The following LRRC9 variants were observed in gnomAD, a reference collection of about 807,000 sequenced individuals.
LRRC9 encodes the protein leucine rich repeat containing 9.
A neutral mutation model predicts 63.2 loss-of-function variants in LRRC9; 122 were observed. The observed-to-expected ratio is 1.93, with a 90% CI of 1.67 to 2.24. The LOEUF is 2.24. Among genes scored for constraint, LRRC9 ranks in the 30% most tolerant of loss-of-function variants. LRRC9 has a pLI of 0.00. For missense variants in LRRC9, 1,071 were observed against 627.7 expected, an observed-to-expected ratio of 1.71 and a Z score of -7.55; for synonymous variants, 366 against 213.1, an observed-to-expected ratio of 1.72 and a Z score of -6.25.
In LRRC9 at chr14:60,061,546, G is replaced by A. The variant is rs1566917535; in HGVS notation, c.4277-1777G>A. ...TGTAAACATAACTTTTATATGTCCT[G>A]GGAAACCAAAAAATGTGTGTGACTC... On this transcript the variant is annotated intron_variant, in intron 31 of 31. Coordinates refer to ENST00000445360, the Ensembl canonical transcript of LRRC9. Among the ~76,000 whole-genome samples, 4 of 152,090 alleles carry A rather than the reference G, an allele frequency of 2.6e-5. No individual in the cohort carries two copies. The South Asian group carries it at 8.3e-4, about 31-fold the overall frequency.
intron 24 of LRRC9, 62 bp from the exon 25 acceptor site, chr14:60,018,309 C>T (rs1231301508): frequency 3.0e-6 from 2 of 671,998 alleles, no homozygotes; most frequent in East Asian, 3.9e-5. Context: ...AAGGAACTCA[C>T]CTTTTCCTAT....
chr14:59,952,204 G>A (rs1883222403), intron 8 of LRRC9, among the ~76,000 whole-genome samples: 1 of 151,784 alleles, frequency 6.6e-6, no homozygotes, highest in African/African-American at 2.4e-5. Flanking sequence ...GTCTCGTGGT[G>A]CGCCGTTTTT....
chr14:59,923,835 G>A lies in LRRC9; in HGVS notation c.-34+3952G>A, dbSNP rs1273608884. 2.0e-5 allele frequency among the ~76,000 whole-genome samples: 3 copies of A among 152,198 alleles called. No individual in the cohort carries two copies. The highest frequency in any genetic ancestry group is 4.4e-5 in the Non-Finnish European group (3 of 68,034). On this transcript the variant is annotated intron_variant, in intron 1 of 31. Coordinates refer to ENST00000445360, the Ensembl canonical transcript of LRRC9. The surrounding 1 kb of genome is among the most constrained non-coding windows in gnomAD (Gnocchi z 4.2). Reference sequence around the variant, plus strand: ...AGGCGCCTATAGTTCCAGCGACTCCGAAGGCTGAGGCAGGAGTATGGCGTG... The same window carrying A: ...AGGCGCCTATAGTTCCAGCGACTCCAAAGGCTGAGGCAGGAGTATGGCGTG...
chr14:59,937,625 A>G (rs1438153338), intron 6 of LRRC9, among the ~76,000 whole-genome samples: 1 of 152,190 alleles, frequency 6.6e-6, no homozygotes, highest in African/African-American at 2.4e-5. Flanking sequence ...AATTGGTTCA[A>G]TATGGCTAAA....
At chr14:59,983,458 T>C (rs1887146024) in intron 16 of LRRC9, among the ~76,000 whole-genome samples, 2 of 152,178 alleles carry the variant, frequency 1.3e-5, no homozygotes, top group Admixed American at 1.3e-4. Context: ...GTGGAGCAAA[T>C]ATATATGTGA....
intron 29 of LRRC9, among the ~76,000 whole-genome samples, chr14:60,045,998 G>C (rs1383055256): frequency 6.6e-6 from 1 of 151,824 alleles, no homozygotes; most frequent in African/African-American, 2.4e-5. Context: ...GCGTGATTTT[G>C]ATTTGCATTT....
chr14:59,929,587 A>G (rs1188133896), intron 3 of LRRC9, among the ~76,000 whole-genome samples: 1 of 151,698 alleles, frequency 6.6e-6, no homozygotes, highest in Non-Finnish European at 1.5e-5. Flanking sequence ...TATATACCCA[A>G]AGTAATATAA....
chr14:59,939,010 T>TAC (rs1252842365), intron 7 of LRRC9, among the ~76,000 whole-genome samples: 1 of 114,510 alleles, frequency 8.7e-6, no homozygotes, highest in Admixed American at 8.8e-5. Context: ...TATACATATA[T>TAC]ACACATATAT....
chr14:60,017,871 G>A lies in LRRC9; in HGVS notation c.3318-500G>A, dbSNP rs576377942. On this transcript the variant is annotated intron_variant, in intron 24 of 31. Transcript: ENST00000445360. This position sits in a 1 kb window ranked among gnomAD's most constrained non-coding sequence, Gnocchi z 4.0. ...TCACACAGGGTGGAATGCCATAAAA[G>A]TTTCCAGAAGATACCACAGAAACTC... 1.3e-5 allele frequency among the ~76,000 whole-genome samples: 2 copies of A among 152,150 alleles called. No individual in the cohort carries two copies. The highest frequency in any genetic ancestry group is 2.1e-4 in the South Asian group (1 of 4,822).
At chr14:59,992,517 A>C (rs1462003006) in intron 17 of LRRC9, among the ~76,000 whole-genome samples, 1 of 152,206 alleles carries the variant, frequency 6.6e-6, no homozygotes, top group Non-Finnish European at 1.5e-5. Context: ...CTCAGAGCTA[A>C]AGGAGGAAGT....
downstream of LRRC9, among the ~76,000 whole-genome samples, chr14:60,065,248 TG>T (rs1231111118): frequency 2.3e-4 from 35 of 151,086 alleles, no homozygotes; most frequent in Admixed American, 2.2e-3. Context: ...GGCGTGGTGG[TG>T]TGCTCCTGTA....
At chr14:59,974,579 C>G (rs533005087) in exon 13 of LRRC9, 3 of 643,638 alleles carry the variant, frequency 4.7e-6, no homozygotes, top group South Asian at 3.5e-5. Context: ...TTTGCAGCTG[C>G]CTCTCAAAAA....
chr14:60,016,798 C>G lies in LRRC9; in HGVS notation c.3317+8C>G, dbSNP rs1283553844. 1 of 673,740 alleles carries G rather than the reference C, an allele frequency of 1.5e-6. No individual in the cohort carries two copies. Among genetic ancestry groups the G allele is most frequent in the Non-Finnish European group, 2.7e-6 (1 of 364,692 alleles). The allele number at this position is 673,740 out of a possible 1,614,324, so 41.7% of individuals were successfully genotyped here. A position where few individuals can be genotyped will look rare whatever the true frequency, so the allele number is the denominator to read the frequency against. On this transcript the variant is annotated splice_region_variant and intron_variant, in intron 24 of 31. Coordinates refer to ENST00000445360, the Ensembl canonical transcript of LRRC9. The stretch of plus-strand genomic sequence containing the variant: ...GACTTCATCATCTATTAGGTACAAT[C>G]ATTTTATTATATGCCTTTTTACATT...
In LRRC9 at chr14:60,054,767, CT is replaced by C. The variant is rs1015029145; in HGVS notation, c.4131+1575del. ...TATCAATTAGACAATGATTCCCTTA[CT>C]TTTTTTTTTTTTAGACGAAGTCTTG... On this transcript the variant is annotated intron_variant, in intron 30 of 31. Coordinates refer to ENST00000445360, the Ensembl canonical transcript of LRRC9. 7.3e-3 allele frequency among the ~76,000 whole-genome samples: 1,054 copies of C among 144,706 alleles called. 1 individual carries two copies. The highest frequency in any genetic ancestry group is 9.0e-3 in the Non-Finnish European group (586 of 65,366). The allele number at this position is 144,706 out of a possible 152,430, so 94.9% of individuals were successfully genotyped here.
intron 17 of LRRC9, among the ~76,000 whole-genome samples, 184 bp from the exon 18 acceptor site, chr14:59,997,472 A>T (rs1888919640): frequency 6.6e-6 from 1 of 152,190 alleles, no homozygotes; most frequent in African/African-American, 2.4e-5. Context: ...TTACTAAAAC[A>T]TAATACCTGT....
At chr14:60,019,594 A>G (rs1566881529) in intron 26 of LRRC9, among the ~76,000 whole-genome samples, 1 of 152,094 alleles carries the variant, frequency 6.6e-6, no homozygotes, top group East Asian at 1.9e-4. Flanking sequence ...TTCACATACC[A>G]TAAAACTCAC....
chr14:60,047,825 C>T (rs534461965), intron 29 of LRRC9, among the ~76,000 whole-genome samples: 39 of 152,256 alleles, frequency 2.6e-4, no homozygotes, highest in African/African-American at 8.2e-4. Context: ...CTCTCTACCC[C>T]CCAGCAACAA....
Position 59,922,663 on chromosome 14 carries a change from G to C in LRRC9, c.-34+2780G>C, listed in dbSNP as rs1428622676. Among the ~76,000 whole-genome samples the C allele has an allele frequency of 6.6e-6, 1 of 152,142 alleles. No individual in the cohort carries two copies. Among genetic ancestry groups the C allele is most frequent in the Admixed American group, 6.5e-5 (1 of 15,278 alleles). On this transcript the variant is annotated intron_variant, in intron 1 of 31. Transcript: ENST00000445360. The surrounding 1 kb of genome is among the most constrained non-coding windows in gnomAD (Gnocchi z 5.3). ...AGAAGGGAAAGAAAAATACGTCTTT[G>C]AGAGGAGGGAAATAAGAAACATACA...
chr14:60,052,022 A>G (rs920130323), intron 29 of LRRC9, among the ~76,000 whole-genome samples: 8 of 152,204 alleles, frequency 5.3e-5, no homozygotes, highest in South Asian at 2.1e-4. Flanking sequence ...GTCAGTCCCA[A>G]TGTGAGAACC....
Sources: gnomAD v4.1 joint callset for allele counts (sites outside exome capture counted in the v4.1 genomes callset) on GRCh38, gnomAD v4.1.1 for gene constraint, Gnocchi (gnomAD v3.1) non-coding constraint, MANE v1.5 for transcripts, NCBI Gene and HGNC (gene_info 2026-07-23, HGNC 2026-07-21) for gene names.